The following RPP30 variants were observed in gnomAD, a reference collection of about 807,000 sequenced individuals.
RPP30 encodes ribonuclease P/MRP subunit p30, also known as ribonuclease P protein subunit p30.
Under a neutral mutation model 38.6 loss-of-function variants are expected in RPP30, and 36 were observed. The ratio of observed to expected loss-of-function variants is 0.93; its 90% confidence interval spans 0.71 to 1.23. The LOEUF is 1.23. Ranked by LOEUF, RPP30 falls within the 50% of genes most tolerant of loss-of-function variation. The probability of loss-of-function intolerance (pLI) is 0.00; values close to 1 mark genes in which losing one functional copy is unlikely to be tolerated. For synonymous variants in RPP30, 126 were observed against 112.7 expected (o/e 1.12, Z -0.75); for missense variants, 321 against 321.7 (o/e 1.00, Z 0.02).
rs1471760416 is a variant in RPP30 at position 90,888,719 on chromosome 10, CT to C, written c.432+2819del. Among the ~76,000 whole-genome samples, 5 of 152,314 alleles carry C rather than the reference CT, an allele frequency of 3.3e-5. No individual in the cohort carries two copies. In the East Asian group the frequency reaches 5.8e-4, roughly 18 times the overall value. On this transcript the variant is annotated intron_variant, in intron 6 of 10. Transcript: ENST00000371703. ...AGTTGACACCAGGACACCCCACCCCCTGATTCCATTGGGAAGTTCAGGAAAG... is the reference window on the plus strand; with the variant it reads ...AGTTGACACCAGGACACCCCACCCCCGATTCCATTGGGAAGTTCAGGAAAG...
intron 6 of RPP30, among the ~76,000 whole-genome samples, chr10:90,893,747 C>CT (rs1038537669): frequency 6.6e-6 from 1 of 152,230 alleles, no homozygotes; most frequent in Non-Finnish European, 1.5e-5. Context: ...CCCTAAACTT[C>CT]TCCTTGATAG....
chr10:90,894,696 G>A (rs1448026793), intron 6 of RPP30, 79 bp from the exon 7 acceptor site: 1 of 971,258 alleles, frequency 1.0e-6, no homozygotes, highest in Non-Finnish European at 1.7e-6. Context: ...AGTGAGGAGG[G>A]ATGTGAAGAG....
At chr10:90,882,594 C>T (rs1401699171) in intron 5 of RPP30, among the ~76,000 whole-genome samples, 1 of 152,138 alleles carries the variant, frequency 6.6e-6, no homozygotes, top group Non-Finnish European at 1.5e-5. Context: ...ACCCGGGAGA[C>T]GGAGCTTGCA....
In RPP30 at chr10:90,876,100, T is replaced by C; in HGVS notation, c.270+2T>C. 6.5e-7 allele frequency: 1 copy of C among 1,539,510 alleles called. No homozygotes were observed. Among genetic ancestry groups the C allele is most frequent in the Non-Finnish European group, 9.0e-7 (1 of 1,113,462 alleles). On this transcript the variant is annotated splice_donor_variant, in intron 4 of 10. Transcript: ENST00000371703. LOFTEE classifies it high-confidence loss of function. The stretch of plus-strand genomic sequence containing the variant: ...GATCCATCTCACTGCAATGTTTTGG[T>C]AAGTTAATTATTTTTCTTCTCTCCT...
chr10:90,875,911 G>T, intron 3 of RPP30, 113 bp from the exon 4 acceptor site: 1 of 659,156 alleles, frequency 1.5e-6, no homozygotes, highest in Non-Finnish European at 2.7e-6. Context: ...GGGTTTTATT[G>T]ATCTTCACTA....
chr10:90,875,131 G>T (rs901828531), intron 2 of RPP30, among the ~76,000 whole-genome samples: 1 of 152,082 alleles, frequency 6.6e-6, no homozygotes, highest in Admixed American at 6.6e-5. Flanking sequence ...TAGTGTTCAG[G>T]ATTCTTAAAG....
At chr10:90,883,137 A>G (rs527930655) in intron 5 of RPP30, among the ~76,000 whole-genome samples, 1 of 152,254 alleles carries the variant, frequency 6.6e-6, no homozygotes, top group South Asian at 2.1e-4. Flanking sequence ...TCTCTTCACA[A>G]TTTATCAAAC....
chr10:90,895,792 ATACT>A (rs765271378), intron 8 of RPP30, 84 bp from the exon 9 acceptor site: 76 of 941,740 alleles, frequency 8.1e-5, no homozygotes, highest in Non-Finnish European at 1.2e-4. Flanking sequence ...TTATTTTTGG[ATACT>A]TAAATTTTCT....
At chr10:90,874,498 G>A (rs1846824810) in intron 1 of RPP30, among the ~76,000 whole-genome samples, 1 of 152,150 alleles carries the variant, frequency 6.6e-6, no homozygotes, top group Admixed American at 6.5e-5. Context: ...CATTTGAAAA[G>A]GAGAAGCACA....
At position 90,889,329 on chromosome 10, in the gene RPP30, GAC is replaced by G. The variant is rs1242016925; in HGVS notation, c.432+3430_432+3431del. 5.1e-5 allele frequency among the ~76,000 whole-genome samples: 5 copies of G among 97,972 alleles called. No homozygotes were observed. In the East Asian group the frequency reaches 1.7e-3, roughly 33 times the overall value. The allele number at this position is 97,972 out of a possible 152,430, so 64.3% of individuals were successfully genotyped here. On this transcript the variant is annotated intron_variant, in intron 6 of 10. Transcript: ENST00000371703. The stretch of plus-strand genomic sequence containing the variant: ...CTTTTTTTTTTTTTTTTTTTTTTGA[GAC>G]AGAGTCTCGCTCTGTCCACCCACGC...
chr10:90,907,891 A>T (rs1212935972), downstream of RPP30, among the ~76,000 whole-genome samples: 1 of 152,224 alleles, frequency 6.6e-6, no homozygotes, highest in Non-Finnish European at 1.5e-5. Context: ...TGAAAGGTGC[A>T]TCATTAGGCG....
At chr10:90,888,715 C>G (rs1847034574) in intron 6 of RPP30, among the ~76,000 whole-genome samples, 1 of 152,124 alleles carries the variant, frequency 6.6e-6, no homozygotes, top group African/African-American at 2.4e-5. Flanking sequence ...GGACACCCCA[C>G]CCCCTGATTC....
At chr10:90,889,355 G>A (rs1452700529) in intron 6 of RPP30, among the ~76,000 whole-genome samples, 2 of 129,062 alleles carry the variant, frequency 1.5e-5, no homozygotes, top group Admixed American at 1.9e-4. Context: ...GTCCACCCAC[G>A]CTGGAGTGCA....
chr10:90,875,940 T>C, intron 3 of RPP30, 84 bp from the exon 4 acceptor site: 1 of 804,914 alleles, frequency 1.2e-6, no homozygotes, highest in Non-Finnish European at 2.1e-6. Context: ...AGCCAGTACC[T>C]TTTAATGAAT....
chr10:90,905,036 G>T (rs1265855614), downstream of RPP30, among the ~76,000 whole-genome samples: 1 of 152,094 alleles, frequency 6.6e-6, no homozygotes, highest in Admixed American at 6.5e-5. Context: ...ATCTTGGATT[G>T]CAATAGACCT....
intron 10 of RPP30, among the ~76,000 whole-genome samples, chr10:90,898,008 A>G (rs1564715690): frequency 6.6e-6 from 1 of 152,156 alleles, no homozygotes; most frequent in East Asian, 1.9e-4. Flanking sequence ...CTCTTGTGCT[A>G]TCATATACTA....
chr10:90,895,629 A>G (rs1352063938), intron 8 of RPP30, 146 bp downstream of exon 8: 1 of 537,290 alleles, frequency 1.9e-6, no homozygotes, highest in Non-Finnish European at 3.1e-6. Flanking sequence ...GCTAAATAGT[A>G]AAATTTATCC....
At chr10:90,884,566 C>T (rs1247848883) in intron 5 of RPP30, among the ~76,000 whole-genome samples, 2 of 152,156 alleles carry the variant, frequency 1.3e-5, no homozygotes, top group Non-Finnish European at 2.9e-5. Flanking sequence ...TGGGATGGGG[C>T]AGATTCTTTA....
At chr10:90,906,284 G>A (rs956171178), downstream of RPP30, among the ~76,000 whole-genome samples, 2 of 152,210 alleles carry the variant, frequency 1.3e-5, no homozygotes, top group Non-Finnish European at 2.9e-5. Flanking sequence ...GAGAAGTGAT[G>A]TGATGGCGTG....
Sources: gnomAD v4.1 joint callset for allele counts (sites outside exome capture counted in the v4.1 genomes callset) on GRCh38, gnomAD v4.1.1 for gene constraint, MANE v1.5 for transcripts, NCBI Gene and HGNC (gene_info 2026-07-23, HGNC 2026-07-21) for gene names.